ACTR2: variants seen among roughly 807,000 people sequenced by gnomAD.
ACTR2 encodes actin related protein 2, also known as actin-related protein 2.
ACTR2 carries 5 observed loss-of-function variants against 50.2 expected under a neutral mutation model. The ratio of observed to expected loss-of-function variants is 0.10; its 90% CI spans 0.05 to 0.21. The LOEUF is 0.21. ACTR2 is among the 10% of genes least tolerant of loss of function. The pLI, the probability that ACTR2 is intolerant of heterozygous loss-of-function variation, is 1.00. For missense variants in ACTR2, 180 were observed against 480.6 expected (o/e 0.37, Z 5.85); for synonymous variants, 140 against 162.9 (o/e 0.86, Z 1.07).
chr2:65,262,322 C>T (rs553897652), intron 7 of ACTR2, among the ~76,000 whole-genome samples: 22 of 152,082 alleles, frequency 1.4e-4, no homozygotes, highest in African/African-American at 4.1e-4. Context: ...CTCTGCCTCC[C>T]GTTTTCAAGC....
intron 5 of ACTR2, among the ~76,000 whole-genome samples, chr2:65,255,192 A>C (rs764400837): frequency 3.9e-5 from 6 of 152,214 alleles, no homozygotes; most frequent in Non-Finnish European, 7.3e-5. Context: ...TTGTGTGAGC[A>C]AACTGCAGGC....
At chr2:65,239,514 C>G (rs1198679747) in intron 1 of ACTR2, among the ~76,000 whole-genome samples, 1 of 152,252 alleles carries the variant, frequency 6.6e-6, no homozygotes, top group Non-Finnish European at 1.5e-5. Flanking sequence ...CCCACAGATA[C>G]TTCTGGAGTG....
chr2:65,238,200 T>C (rs904174581), intron 1 of ACTR2, among the ~76,000 whole-genome samples: 2 of 152,066 alleles, frequency 1.3e-5, no homozygotes, highest in African/African-American at 4.8e-5. Flanking sequence ...TAAAAAAGTA[T>C]TAAAAGCTCT....
intron 1 of ACTR2, among the ~76,000 whole-genome samples, chr2:65,230,722 A>C (rs1340281424): frequency 6.6e-6 from 1 of 152,032 alleles, no homozygotes; most frequent in Non-Finnish European, 1.5e-5. Flanking sequence ...TCAGAAGCTA[A>C]TGTTATGTTA....
chr2:65,268,421 C>T, intron 8 of ACTR2, 143 bp from the exon 9 acceptor site: 1 of 619,908 alleles, frequency 1.6e-6, no homozygotes, highest in Non-Finnish European at 2.5e-6. Context: ...TGTTTCTGTA[C>T]CTCAGGTACC....
chr2:65,237,076 A>T lies in ACTR2; in HGVS notation c.49-2776A>T, dbSNP rs117660502. ...ATTGATCATTTACTGTGTACCTATT[A>T]TGTGCCAGACGCTGTTCTAGGCAGT... On this transcript the variant is annotated intron_variant, in intron 1 of 8. Coordinates refer to ENST00000260641, the MANE Select transcript of ACTR2 (RefSeq NM_005722.4). Among the ~76,000 whole-genome samples the T allele has an allele frequency of 1.4e-4, 21 of 152,352 alleles. No individual in the cohort carries two copies. In the East Asian group the frequency reaches 4.0e-3, roughly 29 times the overall value.
intron 2 of ACTR2, among the ~76,000 whole-genome samples, chr2:65,245,136 T>TA (rs750838339): frequency 7.2e-5 from 11 of 152,154 alleles, no homozygotes; most frequent in African/African-American, 2.4e-4. Context: ...GGTTTTTTGT[T>TA]AGAGTCCTCA....
intron 6 of ACTR2, among the ~76,000 whole-genome samples, chr2:65,260,617 C>T (rs1672249916): frequency 6.6e-6 from 1 of 152,052 alleles, no homozygotes; most frequent in South Asian, 2.1e-4. Flanking sequence ...CAGCAATAAT[C>T]AAAATACAAT....
In ACTR2 at chr2:65,228,035, C is replaced by G; in HGVS notation, c.48+78C>G. On this transcript the variant is annotated intron_variant, in intron 1 of 8. Transcript: ENST00000260641. ...CAGCTGGCGCACGGGCCCTCGGCCC[C>G]CAGGGCTGCACCTCCGGGCCCTCGG... 6 of 1,375,012 alleles carry G rather than the reference C, an allele frequency of 4.4e-6. No individual in the cohort carries two copies. In the South Asian group the frequency reaches 6.1e-5, roughly 14 times the overall value. The allele number at this position is 1,375,012 out of a possible 1,614,324, so 85.2% of individuals were successfully genotyped here.
At chr2:65,246,488 A>C in intron 2 of ACTR2, 36 bp from the exon 3 acceptor site, 1 of 1,434,278 alleles carries the variant, frequency 7.0e-7, no homozygotes, top group Admixed American at 2.4e-5. Flanking sequence ...AATATTATGC[A>C]AAACTTTGAT....
chr2:65,240,122 A>C (rs553972128), intron 2 of ACTR2, among the ~76,000 whole-genome samples, 160 bp downstream of exon 2: 39 of 152,372 alleles, frequency 2.6e-4, no homozygotes, highest in African/African-American at 9.1e-4. Flanking sequence ...ACACCTGAAC[A>C]GGGGCACAAA....
rs775596446 is a variant in ACTR2 at position 65,253,766 on chromosome 2, G to A, written c.487G>A (p.Val163Met). ...TGVVVDSGDG[V>M]THICPVYEGF... ...TGTAGTGGTAGACTCTGGAGATGGT[G>A]TGACTCACATTTGCCCAGTATATGA... is the stretch of plus-strand genomic sequence containing the variant. Residue 163 changes from valine (V) to methionine (M), a missense_variant, in exon 5 of 9, where the codon GTG becomes ATG. Coordinates refer to ENST00000260641, the MANE Select transcript of ACTR2 (RefSeq NM_005722.4). 6.2e-7 allele frequency: 1 copy of A among 1,613,976 alleles called. No individual in the cohort carries two copies. The highest frequency in any genetic ancestry group is 2.2e-5 in the East Asian group (1 of 44,862).
intron 6 of ACTR2, among the ~76,000 whole-genome samples, chr2:65,260,369 G>A (rs1415228239): frequency 6.6e-6 from 1 of 152,132 alleles, no homozygotes; most frequent in African/African-American, 2.4e-5. Flanking sequence ...ATGCTGGCGT[G>A]GTGGCACATG....
chr2:65,245,336 A>T (rs1163166765), intron 2 of ACTR2, among the ~76,000 whole-genome samples: 1 of 152,058 alleles, frequency 6.6e-6, no homozygotes, highest in Non-Finnish European at 1.5e-5. Flanking sequence ...CTTGGCCAAC[A>T]TGGTGAAACC....
chr2:65,229,811 T>A (rs114958812), intron 1 of ACTR2, among the ~76,000 whole-genome samples: 2,100 of 150,046 alleles, frequency 0.014, 49 homozygotes, highest in African/African-American at 0.049. Context: ...TTTAAGAATG[T>A]AATATTTTTA....
At chr2:65,233,658 C>G (rs1671680797) in intron 1 of ACTR2, among the ~76,000 whole-genome samples, 1 of 151,550 alleles carries the variant, frequency 6.6e-6, no homozygotes, top group Non-Finnish European at 1.5e-5. Flanking sequence ...GTCTCCCAGG[C>G]TGGAGTGTAT....
chr2:65,247,542 C>T (rs939406658), intron 3 of ACTR2, among the ~76,000 whole-genome samples: 1 of 151,996 alleles, frequency 6.6e-6, no homozygotes, highest in Non-Finnish European at 1.5e-5. Context: ...GAGTGGAGAT[C>T]GTGCCACTGC....
chr2:65,258,694 G>A (rs942087674), intron 6 of ACTR2, among the ~76,000 whole-genome samples: 5 of 152,132 alleles, frequency 3.3e-5, no homozygotes, highest in African/African-American at 1.2e-4. Flanking sequence ...AGGGACATGG[G>A]TGGACAAATA....
At position 65,267,117 on chromosome 2, in the gene ACTR2, C is replaced by G. The variant is rs72892700; in HGVS notation, c.1015-1447C>G. On this transcript the variant is annotated intron_variant, in intron 8 of 8. Coordinates refer to ENST00000260641, the MANE Select transcript of ACTR2 (RefSeq NM_005722.4). ...CAGAAGCAGTGTCTTCAGGGGCTAG[C>G]TAAGTTTCCCTTAGAGTAGAGGTGG... 5.8e-3 allele frequency among the ~76,000 whole-genome samples: 890 copies of G among 152,274 alleles called. 8 individuals are homozygous for G. The highest frequency in any genetic ancestry group is 0.02 in the African/African-American group (851 of 41,540).
Sources: allele counts gnomAD v4.1 joint callset (sites outside exome capture counted in the v4.1 genomes callset), GRCh38; gene constraint gnomAD v4.1.1; transcripts MANE v1.5; gene names NCBI Gene and HGNC (gene_info 2026-07-23, HGNC 2026-07-21).